Variants in CEBPZOS observed in about 807,000 individuals in gnomAD.
CEBPZOS encodes the protein CEBPZ opposite strand, also known as protein CEBPZOS.
CEBPZOS carries 10 observed loss-of-function variants against 4.8 expected under a neutral mutation model. The observed-to-expected ratio is 2.07, with a 90% confidence interval of 1.28 to 3.52. CEBPZOS has a LOEUF of 3.52. Among genes scored for constraint, CEBPZOS ranks in the 30% most tolerant of loss-of-function variants. The pLI is 0.00. For missense variants in CEBPZOS, 98 were observed against 43.6 expected, an observed-to-expected ratio of 2.25 and a Z score of -3.51; for synonymous variants, 25 against 14.2, an observed-to-expected ratio of 1.77 and a Z score of -1.72.
intron 3 of CEBPZOS, 51 bp downstream of exon 3, chr2:37,201,143 C>T (rs1298175596): frequency 2.9e-6 from 2 of 693,028 alleles, no homozygotes; most frequent in Non-Finnish European, 5.3e-6. Flanking sequence ...CTTCAGGTAA[C>T]CTATAAATTA....
chr2:37,210,915 T>G, intron 4 of CEBPZOS: 9 of 786,890 alleles, frequency 1.1e-5, no homozygotes, highest in Middle Eastern at 2.6e-4. Flanking sequence ...ATTAATCAAA[T>G]TTAGGAGAGT....
intron 4 of CEBPZOS, chr2:37,211,773 C>T (rs975217585): frequency 1.7e-6 from 2 of 1,192,922 alleles, no homozygotes; most frequent in Non-Finnish European, 2.3e-6. Flanking sequence ...AAACCTTTAG[C>T]AGAAAAACAA....
At chr2:37,196,588 G>C (rs773550514) in intron 1 of CEBPZOS, 68 bp downstream of exon 1, 1 of 152,482 alleles carries the variant, frequency 6.6e-6, no homozygotes, top group Non-Finnish European at 1.5e-5. Context: ...ACGAGAGTGG[G>C]GCGGTCTTCT....
rs1037173419 is a variant in CEBPZOS, at chr2:37,201,095, A to G, written c.160+3A>G. 1.4e-6 allele frequency: 1 copy of G among 714,980 alleles called. No homozygotes were observed. Among genetic ancestry groups the G allele is most frequent in the Non-Finnish European group, 2.6e-6 (1 of 384,376 alleles). 44.3% of individuals were successfully genotyped at this position (714,980 alleles called of 1,614,324 possible). On this transcript the variant is annotated splice_donor_region_variant and intron_variant, in intron 3 of 4. Coordinates refer to ENST00000402297, the MANE Select transcript of CEBPZOS (RefSeq NM_001322374.2). Reference sequence around the variant, plus strand: ...GAAATATCCCTTCATCTTGGAAGGTATGTTTTTCCTTAAGTAAAAATAAGT... The same window carrying G: ...GAAATATCCCTTCATCTTGGAAGGTGTGTTTTTCCTTAAGTAAAAATAAGT...
At chr2:37,213,353 A>G (rs1239670583) in intron 4 of CEBPZOS, 4 of 153,378 alleles carry the variant, frequency 2.6e-5, no homozygotes, top group African/African-American at 9.7e-5. Context: ...CAAAGCACAA[A>G]TCATGTATTT....
downstream of CEBPZOS, chr2:37,214,009 CT>C (rs1391159611): frequency 9.6e-7 from 1 of 1,044,502 alleles, no homozygotes; most frequent in Non-Finnish European, 1.3e-6. Flanking sequence ...AAGGTCTAAT[CT>C]TACTATATAT....
At chr2:37,214,361 T>C (rs779486108), downstream of CEBPZOS, among the ~76,000 whole-genome samples, 27 of 152,172 alleles carry the variant, frequency 1.8e-4, no homozygotes, top group Non-Finnish European at 3.5e-4. Flanking sequence ...TAGGTTATGA[T>C]ACTAGTTGGT....
intron 4 of CEBPZOS, among the ~76,000 whole-genome samples, chr2:37,212,877 A>C (rs11686835): frequency 1.3e-5 from 2 of 150,802 alleles, no homozygotes; most frequent in Admixed American, 6.6e-5. Flanking sequence ...CAAAAAAAAA[A>C]ACAAAAAAAA....
chr2:37,215,887 G>C (rs1017812417), downstream of CEBPZOS, among the ~76,000 whole-genome samples: 1 of 151,750 alleles, frequency 6.6e-6, no homozygotes, highest in African/African-American at 2.4e-5. Context: ...GATGGTAATG[G>C]GGAGGGGGTT....
downstream of CEBPZOS, chr2:37,216,081 T>A: frequency 8.4e-7 from 1 of 1,194,644 alleles, no homozygotes; most frequent in South Asian, 1.3e-5. Context: ...ATAATACAAT[T>A]TATGCATCTT....
At chr2:37,200,343 C>T (rs1400412940) in intron 2 of CEBPZOS, among the ~76,000 whole-genome samples, 1 of 151,972 alleles carries the variant, frequency 6.6e-6, no homozygotes, top group African/African-American at 2.4e-5. Flanking sequence ...GTGATTTTTC[C>T]CTAAAACAGG....
At chr2:37,200,744 G>A (rs1046886706) in intron 2 of CEBPZOS, among the ~76,000 whole-genome samples, 1 of 152,084 alleles carries the variant, frequency 6.6e-6, no homozygotes, top group African/African-American at 2.4e-5. Flanking sequence ...GCTCCCCTGA[G>A]CCCCATCCCA....
intron 4 of CEBPZOS, chr2:37,212,339 C>G (rs765464055): frequency 6.2e-7 from 1 of 1,613,224 alleles, no homozygotes; most frequent in East Asian, 2.2e-5. Context: ...TGTTACCCAG[C>G]AAAATCCATA....
Position 37,212,841 on chromosome 2 carries a change from A to C in CEBPZOS, c.*3-596A>C, listed in dbSNP as rs1222306942. Among the ~76,000 whole-genome samples the C allele has an allele frequency of 8.0e-5, 12 of 150,174 alleles. No homozygotes were observed. The East Asian group carries it at 1.6e-3, about 19-fold the overall frequency. On this transcript the variant is annotated intron_variant, in intron 4 of 4. Coordinates refer to the CEBPZOS transcript ENST00000397064. ...GGCAAGACCCTATCTCTATTAAAAA[A>C]AAAAAAAAAACAAAAACAACAACAA...
chr2:37,207,954 C>T (rs554284163), downstream of CEBPZOS, among the ~76,000 whole-genome samples: 4 of 151,928 alleles, frequency 2.6e-5, no homozygotes, highest in East Asian at 3.9e-4. Flanking sequence ...CAATTAGAGA[C>T]GAAATGGGAG....
rs74992087 is a variant in CEBPZOS at position 37,212,106 on chromosome 2, A to C, written c.*3-1331A>C. ...TTTCTAAAGTAGTGTTTTGCTGACT[A>C]CTAGGGCAGTAGGCTATTAAATGAC... On this transcript the variant is annotated intron_variant, in intron 4 of 4. Coordinates refer to the CEBPZOS transcript ENST00000397064. 2,118 of 1,354,662 alleles carry C rather than the reference A, an allele frequency of 1.6e-3. 47 individuals are homozygous for C. The East Asian group carries it at 0.039, about 25-fold the overall frequency. The allele number at this position is 1,354,662 out of a possible 1,614,324, so 83.9% of individuals were successfully genotyped here.
intron 4 of CEBPZOS, 39 bp downstream of exon 4, chr2:37,201,765 C>T (rs750845799): frequency 1.4e-6 from 2 of 1,380,068 alleles, no homozygotes. Context: ...ATTAATAACT[C>T]ATTTCCTTTG....
chr2:37,212,116 T>C lies in CEBPZOS; in HGVS notation c.*3-1321T>C, dbSNP rs1241787370. 1.3e-5 allele frequency: 17 copies of C among 1,267,530 alleles called. 1 individual carries two copies. The East Asian group carries it at 3.5e-4, about 26-fold the overall frequency. 78.5% of individuals were successfully genotyped at this position (1,267,530 alleles called of 1,614,324 possible). ...AGTGTTTTGCTGACTACTAGGGCAG[T>C]AGGCTATTAAATGACTCAGAAGGAG... On this transcript the variant is annotated intron_variant, in intron 4 of 4. Transcript: ENST00000397064.
In CEBPZOS at chr2:37,201,146, A is replaced by G. The variant is rs1677210928; in HGVS notation, c.160+54A>G. 3 of 693,458 alleles carry G rather than the reference A, an allele frequency of 4.3e-6. No individual in the cohort carries two copies. The African/African-American group carries it at 5.4e-5, about 12-fold the overall frequency. The allele number at this position is 693,458 out of a possible 1,614,324, so 43.0% of individuals were successfully genotyped here. A position where few individuals can be genotyped will look rare whatever the true frequency, so the allele number is the denominator to read the frequency against. ...ATAAAACAACTTCTTCAGGTAACCT[A>G]TAAATTATGTAGTAATTTCTTTACA... On this transcript the variant is annotated intron_variant, in intron 3 of 4. Transcript: ENST00000402297.
Sources: gnomAD v4.1 joint callset for allele counts (sites outside exome capture counted in the v4.1 genomes callset) on GRCh38, gnomAD v4.1.1 for gene constraint, MANE v1.5 for transcripts, NCBI Gene and HGNC (gene_info 2026-07-23, HGNC 2026-07-21) for gene names.